SCAPER: variants seen among roughly 807,000 people sequenced by gnomAD.
SCAPER encodes the protein S phase cyclin A-associated protein in the endoplasmic reticulum.
In SCAPER, 98 loss-of-function variants were observed where a neutral mutation model predicts 182.2. The observed-to-expected ratio is 0.54, with a 90% CI of 0.46 to 0.64. The LOEUF (loss-of-function observed/expected upper bound fraction) is 0.64, where lower values mean the gene tolerates loss of function less well. Among genes scored for constraint, SCAPER ranks in the 30% least tolerant of loss-of-function variants. The pLI is 0.00. For synonymous variants in SCAPER, 605 were observed against 564.6 expected (o/e 1.07, Z -1.01); for missense variants, 1,432 against 1,690.0 (o/e 0.85, Z 2.68).
At chr15:76,492,751 C>G (rs560689832) in intron 24 of SCAPER, among the ~76,000 whole-genome samples, 2 of 152,032 alleles carry the variant, frequency 1.3e-5, no homozygotes, top group African/African-American at 4.8e-5. Flanking sequence ...AGCAAAAAAC[C>G]TGGGGACAGA....
chr15:76,853,269 T>C (rs2070960545), intron 4 of SCAPER, among the ~76,000 whole-genome samples: 1 of 152,178 alleles, frequency 6.6e-6, no homozygotes, highest in African/African-American at 2.4e-5. Context: ...GCTGGTACTA[T>C]TCCTACTGAA....
At chr15:76,629,650 T>C (rs2052916576) in intron 21 of SCAPER, among the ~76,000 whole-genome samples, 1 of 152,166 alleles carries the variant, frequency 6.6e-6, no homozygotes. Flanking sequence ...TGTGCTGCTG[T>C]ATTCAGTTTG....
intron 25 of SCAPER, among the ~76,000 whole-genome samples, chr15:76,438,755 A>C (rs2047368049): frequency 6.6e-6 from 1 of 152,210 alleles, no homozygotes; most frequent in African/African-American, 2.4e-5. Flanking sequence ...ATTTTCCAAC[A>C]GTCTCACTGA....
chr15:76,348,093 C>T lies in SCAPER; in HGVS notation c.*540G>A, dbSNP rs535446135. On this transcript the variant is annotated 3_prime_UTR_variant, in exon 32 of 32. Transcript: ENST00000563290. ...CGGGCAGACCAATGAATACAACGCC[C>T]TAAGTTGATTTCAAATAGCCCCCAA... 1 of 152,248 alleles carries T rather than the reference C, an allele frequency of 6.6e-6. No individual in the cohort carries two copies. Among genetic ancestry groups the T allele is most frequent in the African/African-American group, 2.4e-5 (1 of 41,450 alleles). The allele number at this position is 152,248 out of a possible 1,614,324, so 9.4% of individuals were successfully genotyped here.
intron 22 of SCAPER, among the ~76,000 whole-genome samples, chr15:76,613,256 T>C (rs1165726208): frequency 6.6e-6 from 1 of 152,130 alleles, no homozygotes; most frequent in Non-Finnish European, 1.5e-5. Flanking sequence ...CCTTATACCA[T>C]GTACAAAAAT....
chr15:76,571,113 A>T (rs896124788), intron 23 of SCAPER, among the ~76,000 whole-genome samples: 3 of 152,172 alleles, frequency 2.0e-5, no homozygotes, highest in Non-Finnish European at 4.4e-5. Flanking sequence ...ACACGATGAC[A>T]CTTGTAAACC....
chr15:76,902,794 C>A (rs2074861762), intron 1 of SCAPER, among the ~76,000 whole-genome samples: 1 of 152,152 alleles, frequency 6.6e-6, no homozygotes, highest in Non-Finnish European at 1.5e-5. Flanking sequence ...CAGTGGCGCA[C>A]GCCTGTAATC....
chr15:76,834,679 A>G (rs945363771), intron 5 of SCAPER, among the ~76,000 whole-genome samples: 1 of 152,126 alleles, frequency 6.6e-6, no homozygotes, highest in Admixed American at 6.6e-5. Flanking sequence ...ATAAAGAAAA[A>G]AAGATTGAAA....
chr15:76,618,499 T>A (rs1481712963), intron 22 of SCAPER, among the ~76,000 whole-genome samples: 1 of 152,254 alleles, frequency 6.6e-6, no homozygotes, highest in East Asian at 1.9e-4. Flanking sequence ...TAGGAATATT[T>A]ACAGCAAACT....
chr15:76,589,657 G>T (rs2048958265), intron 22 of SCAPER, among the ~76,000 whole-genome samples: 2 of 152,242 alleles, frequency 1.3e-5, no homozygotes, highest in Non-Finnish European at 2.9e-5. Flanking sequence ...CTTGCCTGTT[G>T]AGTCTGCACA....
intron 27 of SCAPER, among the ~76,000 whole-genome samples, chr15:76,391,748 C>T (rs181564502): frequency 1.8e-4 from 27 of 152,278 alleles, no homozygotes; most frequent in Admixed American, 4.6e-4. Flanking sequence ...ATGTGCCTGA[C>T]GGGAAGCTGC....
chr15:76,582,676 A>G (rs1021222377), intron 22 of SCAPER, among the ~76,000 whole-genome samples: 11 of 152,234 alleles, frequency 7.2e-5, no homozygotes, highest in African/African-American at 2.7e-4. Context: ...AACAGAAGGA[A>G]TCACACTATC....
chr15:76,656,901 G>A (rs2055689220), intron 21 of SCAPER, among the ~76,000 whole-genome samples: 1 of 152,196 alleles, frequency 6.6e-6, no homozygotes. Context: ...CTAAAGCAGT[G>A]TTAAGCGGGA....
At position 76,471,324 on chromosome 15, in the gene SCAPER, T is replaced by C. The variant is rs375348526; in HGVS notation, c.2966A>G (p.Asn989Ser). The C allele has an allele frequency of 1.6e-5, 25 of 1,607,790 alleles. No homozygotes were observed. Among genetic ancestry groups the C allele is most frequent in the Middle Eastern group, 1.7e-4 (1 of 6,052 alleles). The change falls in exon 25 of 32, where the codon AAT (asparagine) becomes AGT (serine). Residue 989 changes from asparagine (N) to serine (S), a missense_variant. By Grantham distance (46) the Asn-to-Ser change is conservative (BLOSUM62 1). Transcript: ENST00000563290. ...VLRIPPKSLC[N>S]AINVYNLTCN... Reference sequence around the variant, plus strand: ...GGTGAGGTTGTAAACATTGATTGCATTGCAGAGAGACCTAAAAGAAGGAGA... The same window carrying C: ...GGTGAGGTTGTAAACATTGATTGCACTGCAGAGAGACCTAAAAGAAGGAGA...
chr15:76,831,289 C>G (rs922394657), intron 5 of SCAPER, among the ~76,000 whole-genome samples: 18 of 152,256 alleles, frequency 1.2e-4, no homozygotes, highest in African/African-American at 4.3e-4. Context: ...TTGCTGGCCT[C>G]TTTCAGGGTC....
At chr15:76,513,099 C>T (rs563982705) in intron 23 of SCAPER, among the ~76,000 whole-genome samples, 9 of 152,252 alleles carry the variant, frequency 5.9e-5, no homozygotes, top group East Asian at 1.9e-4. Flanking sequence ...TCTGCCGTAC[C>T]TCATGGCCCC....
At chr15:76,893,026 A>G (rs1023607148) in intron 1 of SCAPER, among the ~76,000 whole-genome samples, 1 of 152,234 alleles carries the variant, frequency 6.6e-6, no homozygotes, top group African/African-American at 2.4e-5. Flanking sequence ...TTGCAGGTAC[A>G]TGGATAAAGC....
chr15:76,454,929 T>C, intron 25 of SCAPER, among the ~76,000 whole-genome samples: 1 of 152,180 alleles, frequency 6.6e-6, no homozygotes, highest in East Asian at 1.9e-4. Flanking sequence ...CTTCTTGAGT[T>C]AGTCTGGTGA....
At chr15:76,425,744 G>T (rs1596551537) in intron 26 of SCAPER, among the ~76,000 whole-genome samples, 1 of 152,252 alleles carries the variant, frequency 6.6e-6, no homozygotes, top group East Asian at 1.9e-4. Flanking sequence ...CATCTTTGTG[G>T]TTTTATCCAC....
Sources: allele counts gnomAD v4.1 joint callset (sites outside exome capture counted in the v4.1 genomes callset), GRCh38; gene constraint gnomAD v4.1.1; transcripts MANE v1.5; gene names NCBI Gene and HGNC (gene_info 2026-07-23, HGNC 2026-07-21).